The following NKD2 variants were observed in gnomAD, a reference collection of about 807,000 sequenced individuals.
NKD2 encodes protein naked cuticle homolog 2.
Under a neutral mutation model 34.8 loss-of-function variants are expected in NKD2, and 43 were observed. The ratio of observed to expected loss-of-function variants is 1.24; its 90% confidence interval spans 0.97 to 1.60. The LOEUF (loss-of-function observed/expected upper bound fraction) is 1.60. NKD2 is among the 40% of genes most tolerant of loss of function. NKD2 has a pLI of 0.00. For synonymous variants in NKD2, 278 were observed against 265.1 expected, an observed-to-expected ratio of 1.05 and a Z score of -0.47; for missense variants, 675 against 627.1, an observed-to-expected ratio of 1.08 and a Z score of -0.82.
chr5:1,026,718 G>A (rs1289520935), intron 3 of NKD2, among the ~76,000 whole-genome samples: 1 of 152,238 alleles, frequency 6.6e-6, no homozygotes, highest in African/African-American at 2.4e-5. Context: ...CCCTCCCTGA[G>A]CCACCTGCCA....
chr5:1,017,400 C>T (rs1276161013), intron 3 of NKD2, among the ~76,000 whole-genome samples: 1 of 152,260 alleles, frequency 6.6e-6, no homozygotes, highest in Non-Finnish European at 1.5e-5. Flanking sequence ...ACCAGCCAGC[C>T]CCAGACAGAG....
intron 3 of NKD2, among the ~76,000 whole-genome samples, chr5:1,031,060 G>T (rs2150744685): frequency 6.6e-6 from 1 of 152,266 alleles, no homozygotes; most frequent in East Asian, 1.9e-4. Context: ...TTTGGACCCT[G>T]GCCAGTGACC....
Position 1,009,223 on chromosome 5 carries a change from G to A in NKD2, c.61+9G>A, listed in dbSNP as rs1053164542. ...GAGAGAGAGCCCGGAAGGTGAGCGGGCGAGCCGACGGGCGGGGCGGGGGGC... is the reference window on the plus strand; with the variant it reads ...GAGAGAGAGCCCGGAAGGTGAGCGGACGAGCCGACGGGCGGGGCGGGGGGC... On this transcript the variant is annotated intron_variant, in intron 2 of 9. Coordinates refer to ENST00000296849, the MANE Select transcript of NKD2 (RefSeq NM_033120.4). This position sits in a 1 kb window ranked among gnomAD's most constrained non-coding sequence, Gnocchi z 6.9. 6 of 508,892 alleles carry A rather than the reference G, an allele frequency of 1.2e-5. No homozygotes were observed. Among genetic ancestry groups the A allele is most frequent in the Non-Finnish European group, 1.4e-5 (4 of 292,206 alleles). The allele number at this position is 508,892 out of a possible 1,614,324, so 31.5% of individuals were successfully genotyped here.
intron 3 of NKD2, among the ~76,000 whole-genome samples, chr5:1,018,704 G>A (rs989301671): frequency 1.3e-5 from 2 of 152,192 alleles, no homozygotes; most frequent in South Asian, 4.1e-4. Context: ...CACAGAGGTG[G>A]CCTGGATGCT....
At position 1,033,239 on chromosome 5, in the gene NKD2, A is replaced by T. The variant is rs1242613542; in HGVS notation, c.203-133A>T. ...CCCTCCCCTCCGCAGGGGTCCCAAG[A>T]TCGGGCTCTCAGCTCAGGCCCGTCT... On this transcript the variant is annotated intron_variant, in intron 4 of 9. Transcript: ENST00000296849. 16 of 873,658 alleles carry T rather than the reference A, an allele frequency of 1.8e-5. No homozygotes were observed. The East Asian group carries it at 2.9e-4, about 16-fold the overall frequency. The allele number at this position is 873,658 out of a possible 1,614,324, so 54.1% of individuals were successfully genotyped here.
intron 3 of NKD2, among the ~76,000 whole-genome samples, chr5:1,010,368 T>C (rs1255487337): frequency 6.6e-6 from 1 of 151,864 alleles, no homozygotes; most frequent in Non-Finnish European, 1.5e-5. Flanking sequence ...CCTCCCCCAC[T>C]GTCCCCAGAG....
rs1381562356 is a variant in NKD2, at chr5:1,009,502, C to T, written c.83C>T (p.Ala28Val). 2.9e-5 allele frequency: 44 copies of T among 1,498,278 alleles called. No individual in the cohort carries two copies. The highest frequency in any genetic ancestry group is 4.3e-5 in the Admixed American group (2 of 46,082). 92.8% of individuals were successfully genotyped at this position (1,498,278 alleles called of 1,614,324 possible). Reference sequence around the variant, plus strand: ...GCAGGGGACAGCTTCGTGGCGTCCGCGTACGCGAGCGGCCGCAAAGGCGCG... The same window carrying T: ...GCAGGGGACAGCTTCGTGGCGTCCGTGTACGCGAGCGGCCGCAAAGGCGCG... ...SPEGDSFVAS[A>V]YASGRKGAEE... is the part of the protein sequence containing the mutation. The change falls in exon 3 of 10, where the codon GCG (alanine) becomes GTG (valine). Residue 28 changes from alanine (A) to valine (V), a missense_variant. Physicochemically the swap from Ala to Val is moderately conservative, Grantham distance 64. Transcript: ENST00000296849. This position sits in a 1 kb window ranked among gnomAD's most constrained non-coding sequence, Gnocchi z 6.9.
chr5:1,009,642 C>T lies in NKD2; in HGVS notation c.141+82C>T. ...CGGTGTCAGAGCTGTTCCTGGTGCC[C>T]GCCCGCGGACAGGCGAGACGTGGGC... On this transcript the variant is annotated intron_variant, in intron 3 of 9. Transcript: ENST00000296849. The surrounding 1 kb of genome is among the most constrained non-coding windows in gnomAD (Gnocchi z 6.9). The T allele has an allele frequency of 8.5e-7, 1 of 1,177,746 alleles. No homozygotes were observed. 73.0% of individuals were successfully genotyped at this position (1,177,746 alleles called of 1,614,324 possible). A position where few individuals can be genotyped will look rare whatever the true frequency, so the allele number is the denominator to read the frequency against.
At chr5:1,037,339 C>G (rs1734034260) in intron 9 of NKD2, among the ~76,000 whole-genome samples, 1 of 152,148 alleles carries the variant, frequency 6.6e-6, no homozygotes, top group South Asian at 2.1e-4. Flanking sequence ...TGTGCTGACC[C>G]TGCCCTCCTT....
chr5:1,011,048 C>T (rs1410119805), intron 3 of NKD2, among the ~76,000 whole-genome samples: 1 of 152,204 alleles, frequency 6.6e-6, no homozygotes, highest in Non-Finnish European at 1.5e-5. Context: ...GCGTTTAGAC[C>T]TGCCACTCTA....
chr5:1,025,811 C>T (rs1756366856), intron 3 of NKD2, among the ~76,000 whole-genome samples: 1 of 106,742 alleles, frequency 9.4e-6, no homozygotes, highest in Admixed American at 9.5e-5. Flanking sequence ...ATTGTCCCTG[C>T]TCTTCCCACC....
rs1180657740 is a variant in NKD2, at chr5:1,015,045, G to C, written c.141+5485G>C. Reference sequence around the variant, plus strand: ...TGGTCCTGTGAGGAAAGACAAAAGGGACAGCTCCACGCTCCATAAGGCCAG... The same window carrying C: ...TGGTCCTGTGAGGAAAGACAAAAGGCACAGCTCCACGCTCCATAAGGCCAG... On this transcript the variant is annotated intron_variant, in intron 3 of 9. Transcript: ENST00000296849. Among the ~76,000 whole-genome samples, 3 of 152,212 alleles carry C rather than the reference G, an allele frequency of 2.0e-5. No individual in the cohort carries two copies. The East Asian group carries it at 5.8e-4, about 29-fold the overall frequency.
rs72707207 is a variant in NKD2, at chr5:1,035,302, G to A, written c.575-87G>A. The A allele has an allele frequency of 2.4e-3, 2,282 of 942,966 alleles. 21 individuals are homozygous for A. Among genetic ancestry groups the A allele is most frequent in the African/African-American group, 3.2e-3 (139 of 43,644 alleles). The allele number at this position is 942,966 out of a possible 1,614,324, so 58.4% of individuals were successfully genotyped here. On this transcript the variant is annotated intron_variant, in intron 7 of 9. Transcript: ENST00000296849. ...AGTGAGTTAATGAATGAATGAATGA[G>A]TGAGTGAGTTAATGAATGAGTGAAT...
chr5:1,020,791 G>A (rs895128784), intron 3 of NKD2, among the ~76,000 whole-genome samples: 1 of 151,948 alleles, frequency 6.6e-6, no homozygotes, highest in Admixed American at 6.5e-5. Flanking sequence ...ATGCCCCGTG[G>A]GTTGGGCTGG....
chr5:1,030,899 A>G (rs1235333536), intron 3 of NKD2, among the ~76,000 whole-genome samples: 1 of 152,164 alleles, frequency 6.6e-6, no homozygotes, highest in African/African-American at 2.4e-5. Context: ...CTCAGCCACA[A>G]GGGGGGCTGG....
In NKD2 at chr5:1,034,226, C is replaced by T. The variant is rs1239027745; in HGVS notation, c.331-9C>T. The T allele has an allele frequency of 3.7e-6, 6 of 1,607,906 alleles. No individual in the cohort carries two copies. The highest frequency in any genetic ancestry group is 1.1e-5 in the South Asian group (1 of 90,290). On this transcript the variant is annotated splice_polypyrimidine_tract_variant and intron_variant, in intron 5 of 9. Coordinates refer to ENST00000296849, the MANE Select transcript of NKD2 (RefSeq NM_033120.4). Reference sequence around the variant, plus strand: ...GAGGCGAGGTCCCGGCCCCCACGTCCCCCCACAGGCACTCCAGTGCGATGT... The same window carrying T: ...GAGGCGAGGTCCCGGCCCCCACGTCTCCCCACAGGCACTCCAGTGCGATGT...
At chr5:1,014,489 T>C (rs557119328) in intron 3 of NKD2, among the ~76,000 whole-genome samples, 18 of 152,162 alleles carry the variant, frequency 1.2e-4, no homozygotes, top group Non-Finnish European at 8.8e-5. Context: ...GGGCCCCTGC[T>C]GTGCATGCCT....
At chr5:1,012,163 C>T (rs922042899) in intron 3 of NKD2, among the ~76,000 whole-genome samples, 3 of 152,254 alleles carry the variant, frequency 2.0e-5, no homozygotes, top group African/African-American at 4.8e-5. Context: ...ATTTCTACAG[C>T]GCTCCCTGAG....
intron 3 of NKD2, among the ~76,000 whole-genome samples, chr5:1,027,122 C>G (rs1756449213): frequency 6.6e-6 from 1 of 152,268 alleles, no homozygotes; most frequent in Non-Finnish European, 1.5e-5. Context: ...TCGAGAGCCA[C>G]TGCTTGACCT....
Sources: gnomAD v4.1 joint callset for allele counts (sites outside exome capture counted in the v4.1 genomes callset) on GRCh38, gnomAD v4.1.1 for gene constraint, Gnocchi (gnomAD v3.1) non-coding constraint, MANE v1.5 for transcripts, NCBI Gene and HGNC (gene_info 2026-07-23, HGNC 2026-07-21) for gene names.